KLRC2: variants seen among roughly 807,000 people sequenced by gnomAD.
KLRC2 encodes NKG2-C type II integral membrane protein.
A neutral mutation model predicts 25.5 loss-of-function variants in KLRC2; 10 were observed. The ratio of observed to expected loss-of-function variants is 0.39; its 90% CI spans 0.24 to 0.67. The LOEUF is 0.67. Ranked by LOEUF, KLRC2 falls within the 30% of genes least tolerant of loss-of-function variation. The probability of loss-of-function intolerance (pLI) is 0.45; values close to 1 mark genes in which losing one functional copy is unlikely to be tolerated. For synonymous variants in KLRC2, 48 were observed against 93.3 expected, an observed-to-expected ratio of 0.51 and a Z score of 2.80; for missense variants, 170 against 272.8, an observed-to-expected ratio of 0.62 and a Z score of 2.65.
chr12:10,435,618 G>A (rs1591607480), intron 1 of KLRC2, among the ~76,000 whole-genome samples, 182 bp downstream of exon 1: 1 of 141,530 alleles, frequency 7.1e-6, no homozygotes, highest in Non-Finnish European at 1.5e-5. Context: ...TGAGTGGACC[G>A]CAGATTACAG....
intron 1 of KLRC2, among the ~76,000 whole-genome samples, 160 bp from the exon 2 acceptor site, chr12:10,435,570 G>A (rs1476066349): frequency 6.9e-6 from 1 of 145,096 alleles, no homozygotes; most frequent in African/African-American, 2.6e-5. Context: ...CTTTCTCTCA[G>A]AATATACCAT....
intron 3 of KLRC2, chr12:10,434,230 A>C (rs1438779999): frequency 1.7e-6 from 1 of 599,844 alleles, no homozygotes; most frequent in African/African-American, 2.2e-5. Context: ...TAGAATAGTA[A>C]AATTATTTAT....
intron 5 of KLRC2, 132 bp downstream of exon 5, chr12:10,431,974 T>C: frequency 1.2e-6 from 1 of 843,006 alleles, no homozygotes; most frequent in South Asian, 1.9e-5. Flanking sequence ...TTGTAAAATA[T>C]TTATATCAAC....
At chr12:10,432,004 T>G in intron 5 of KLRC2, 102 bp downstream of exon 5, 1 of 1,009,954 alleles carries the variant, frequency 9.9e-7, no homozygotes, top group Non-Finnish European at 1.4e-6. Flanking sequence ...ACTTTCCACA[T>G]CTTTCTTCAT....
Position 10,433,808 on chromosome 12 carries a change from C to G in KLRC2, c.466G>C (p.Asp156His), listed in dbSNP as rs542207562. The stretch of plus-strand genomic sequence containing the variant: ...CATCTTACCATTTCTTCTTCATTAT[C>G]TATAGAAAGCAGACTGGAGTTCTTC... ...TSKNSSLLSI[D>H]NEEEMKFLAS... The change falls in exon 4 of 6, where the codon GAT (aspartate) becomes CAT (histidine). Residue 156 changes from aspartate to histidine, a missense_variant. Physicochemically the swap from Asp to His is moderately conservative, Grantham distance 81 (BLOSUM62 -1). Coordinates refer to ENST00000381902, the MANE Select transcript of KLRC2 (RefSeq NM_002260.4). The G allele has an allele frequency of 3.1e-5, 48 of 1,548,994 alleles. 9 individuals are homozygous for G. In the South Asian group the frequency reaches 4.4e-4, roughly 14 times the overall value.
Position 10,433,797 on chromosome 12 carries a change from T to G in KLRC2, c.477A>C (p.Glu159Asp). The G allele has an allele frequency of 6.5e-7, 1 of 1,548,924 alleles. No homozygotes were observed. The highest frequency in any genetic ancestry group is 8.8e-7 in the Non-Finnish European group (1 of 1,135,288). ...TGAAACATTTACATCTTACCATTTC[T>G]TCTTCATTATCTATAGAAAGCAGAC... ...NSSLLSIDNE[E>D]EMKFLASILP... The change falls in exon 4 of 6, where the codon GAA becomes GAC. Residue 159 changes from glutamate to aspartate, a missense_variant. Transcript: ENST00000381902.
intron 3 of KLRC2, chr12:10,434,167 C>A: frequency 2.7e-6 from 2 of 738,494 alleles, no homozygotes; most frequent in Non-Finnish European, 4.4e-6. Context: ...AATGAACAAA[C>A]AAAAATACAC....
rs772234010 is a variant in KLRC2, at chr12:10,431,339, A to C, written c.585-111T>G. 5.5e-6 allele frequency: 7 copies of C among 1,268,438 alleles called. No individual in the cohort carries two copies. The African/African-American group carries it at 9.8e-5, about 18-fold the overall frequency. The allele number at this position is 1,268,438 out of a possible 1,614,324, so 78.6% of individuals were successfully genotyped here. A position where few individuals can be genotyped will look rare whatever the true frequency, so the allele number is the denominator to read the frequency against. Reference sequence around the variant, plus strand: ...GAATTTCATGGAAAAGGGTAATTAAATTTTTCATAATATTAGTAAGAGTCA... The same window carrying C: ...GAATTTCATGGAAAAGGGTAATTAACTTTTTCATAATATTAGTAAGAGTCA... On this transcript the variant is annotated intron_variant, in intron 5 of 5. Transcript: ENST00000381902.
chr12:10,431,553 A>C lies in KLRC2; in HGVS notation c.585-325T>G, dbSNP rs2981591. Among the ~76,000 whole-genome samples, 5 of 139,962 alleles carry C rather than the reference A, an allele frequency of 3.6e-5. 1 individual carries two copies. The highest frequency in any genetic ancestry group is 1.1e-4 in the African/African-American group (4 of 36,436). The allele number at this position is 139,962 out of a possible 152,430, so 91.8% of individuals were successfully genotyped here. A position where few individuals can be genotyped will look rare whatever the true frequency, so the allele number is the denominator to read the frequency against. On this transcript the variant is annotated intron_variant, in intron 5 of 5. Coordinates refer to ENST00000381902, the MANE Select transcript of KLRC2 (RefSeq NM_002260.4). ...AATAAGAGATTGACAACAATAACTAATAATAAAAAAATTATAGCAATATGC... is the reference window on the plus strand; with the variant it reads ...AATAAGAGATTGACAACAATAACTACTAATAAAAAAATTATAGCAATATGC...
intron 5 of KLRC2, 158 bp from the exon 6 acceptor site, chr12:10,431,386 GTA>G: frequency 1.1e-6 from 1 of 878,224 alleles, no homozygotes. Flanking sequence ...ACTCAACAGA[GTA>G]GTCCCTCTTC....
At position 10,430,982 on chromosome 12, in the gene KLRC2, A is replaced by T; in HGVS notation, c.*135T>A. On this transcript the variant is annotated 3_prime_UTR_variant, in exon 6 of 6. Coordinates refer to ENST00000381902, the MANE Select transcript of KLRC2 (RefSeq NM_002260.4). ...GTACTTTAGTAATTGTGTGCATCCT[A>T]TTTCAATAATTGATTTAGAATTTTT... The T allele has an allele frequency of 2.5e-6, 3 of 1,184,076 alleles. No homozygotes were observed. Among genetic ancestry groups the T allele is most frequent in the Non-Finnish European group, 2.2e-6 (2 of 889,648 alleles). 73.3% of individuals were successfully genotyped at this position (1,184,076 alleles called of 1,614,324 possible).
At chr12:10,432,967 C>A (rs572630161) in intron 4 of KLRC2, among the ~76,000 whole-genome samples, 1 of 140,024 alleles carries the variant, frequency 7.1e-6, no homozygotes, top group Admixed American at 7.0e-5. Context: ...CAATACCAGG[C>A]AAGGCTGGTG....
In KLRC2 at chr12:10,435,821, C is replaced by T. The variant is rs147031208; in HGVS notation, c.166G>A (p.Asp56Asn). 343 of 1,548,904 alleles carry T rather than the reference C, an allele frequency of 2.2e-4. 61 individuals carry two copies. Among genetic ancestry groups the T allele is most frequent in the Non-Finnish European group, 2.9e-4 (330 of 1,134,816 alleles). ...TTACCTTGGCAGTCATATATTTTATCAATCCCTTGATGATTCAGGGAAGGA... is the reference window on the plus strand; with the variant it reads ...TTACCTTGGCAGTCATATATTTTATTAATCCCTTGATGATTCAGGGAAGGA... The part of the protein sequence containing the change: ...QNPSLNHQGI[D>N]KIYDCQGLLP... The change falls in exon 1 of 6, where the codon GAT (aspartate) becomes AAT (asparagine). Residue 56 changes from aspartate to asparagine, a missense_variant. By Grantham distance (23) the Asp-to-Asn change is conservative. Around this residue, in one of 3 missense-constraint regions of KLRC2, gnomAD observed 37 missense variants for 68.0 expected, o/e 0.54. Transcript: ENST00000381902.
In KLRC2 at chr12:10,434,032, T is replaced by G. The variant is rs1376158445; in HGVS notation, c.332-90A>C. The G allele has an allele frequency of 2.0e-6, 3 of 1,465,164 alleles. No homozygotes were observed. In the African/African-American group the frequency reaches 4.6e-5, roughly 22 times the overall value. 90.8% of individuals were successfully genotyped at this position (1,465,164 alleles called of 1,614,324 possible). On this transcript the variant is annotated intron_variant, in intron 3 of 5. Coordinates refer to ENST00000381902, the MANE Select transcript of KLRC2 (RefSeq NM_002260.4). ...TATTTCAACAGTATAAACATATATG[T>G]GCTTAACATATTTACGCATCCTTAC...
intron 4 of KLRC2, among the ~76,000 whole-genome samples, chr12:10,432,584 C>T (rs1863826938): frequency 7.2e-6 from 1 of 138,342 alleles, no homozygotes. Context: ...AAATAGATGA[C>T]ATGGAAGCTA....
rs746251810 is a variant in KLRC2, at chr12:10,435,812, A to C, written c.175T>G (p.Tyr59Asp). 1.3e-6 allele frequency: 2 copies of C among 1,548,252 alleles called. No individual in the cohort carries two copies. The highest frequency in any genetic ancestry group is 2.9e-5 in the African/African-American group (2 of 68,380). The part of the protein sequence containing the change: ...SLNHQGIDKI[Y>D]DCQGLLPPPE... ...TTTAATGTTTTACCTTGGCAGTCAT[A>C]TATTTTATCAATCCCTTGATGATTC... The change falls in exon 1 of 6, where the codon TAT becomes GAT. Residue 59 changes from tyrosine to aspartate, a missense_variant. Transcript: ENST00000381902.
Position 10,432,174 on chromosome 12 carries a change from C to G in KLRC2, c.516G>C (p.Trp172Cys), listed in dbSNP as rs776110156. The G allele has an allele frequency of 3.3e-5, 49 of 1,494,686 alleles. 9 individuals are homozygous for G. Among genetic ancestry groups the G allele is most frequent in the Non-Finnish European group, 4.3e-5 (47 of 1,103,160 alleles). The allele number at this position is 1,494,686 out of a possible 1,614,324, so 92.6% of individuals were successfully genotyped here. A position where few individuals can be genotyped will look rare whatever the true frequency, so the allele number is the denominator to read the frequency against. ...KFLASILPSS[W>C]IGVFRNSSHH... ...GACTGCTGTTACGAAACACACCAATCCATGAGGAAGGTAAAATGCTGGCCA... is the reference window on the plus strand; with the variant it reads ...GACTGCTGTTACGAAACACACCAATGCATGAGGAAGGTAAAATGCTGGCCA... Residue 172 changes from tryptophan to cysteine, a missense_variant, in exon 5 of 6, where the codon TGG (tryptophan) becomes TGC (cysteine). This residue lies in a region of KLRC2 where 129 missense variants were observed against 150.2 expected (regional missense o/e 0.86). Coordinates refer to ENST00000381902, the MANE Select transcript of KLRC2 (RefSeq NM_002260.4).
Position 10,433,871 on chromosome 12 carries a change from T to C in KLRC2, c.403A>G (p.Arg135Gly), listed in dbSNP as rs1412499891. 36 of 1,550,704 alleles carry C rather than the reference T, an allele frequency of 2.3e-5. 5 individuals carry two copies. The highest frequency in any genetic ancestry group is 1.7e-4 in the Middle Eastern group (1 of 5,824). ...SNSCYYIGKE[R>G]RTWEESLLAC... ...AGCAAACTCTCTTCCCAAGTTCTTC[T>C]TTCCTTACCAATGTAATAACAACTG... The change falls in exon 4 of 6, where the codon AGA (arginine) becomes GGA (glycine). Residue 135 changes from arginine (R) to glycine (G), a missense_variant. Physicochemically the swap from Arg to Gly is moderately radical, Grantham distance 125. Around this residue, in one of 3 missense-constraint regions of KLRC2, gnomAD observed 129 missense variants for 150.2 expected, o/e 0.86. Transcript: ENST00000381902.
At chr12:10,434,259 A>C (rs1162810511) in intron 3 of KLRC2, 2 of 584,520 alleles carry the variant, frequency 3.4e-6, no homozygotes, top group South Asian at 1.6e-5. Context: ...ATCTCACAGC[A>C]GTAGGAAACC....
Sources: allele counts gnomAD v4.1 joint callset (sites outside exome capture counted in the v4.1 genomes callset), GRCh38; gene constraint gnomAD v4.1.1; regional missense constraint gnomAD v4.1.1; transcripts MANE v1.5; gene names NCBI Gene and HGNC (gene_info 2026-07-23, HGNC 2026-07-21).